Variants in ASIC2 observed in about 807,000 individuals in gnomAD.
The protein encoded by ASIC2 is acid-sensing ion channel 2.
A neutral mutation model predicts 57.3 loss-of-function variants in ASIC2; 25 were observed. The ratio of observed to expected loss-of-function variants is 0.44; its 90% CI spans 0.32 to 0.61. The LOEUF (loss-of-function observed/expected upper bound fraction) is 0.61. Ranked by LOEUF, ASIC2 falls within the 20% of genes least tolerant of loss-of-function variation. ASIC2 has a pLI of 0.06. For synonymous variants in ASIC2, 319 were observed against 307.5 expected (o/e 1.04, Z -0.39); for missense variants, 641 against 738.1 (o/e 0.87, Z 1.52).
intron 3 of ASIC2, among the ~76,000 whole-genome samples, chr17:33,076,648 G>T (rs1266088831): frequency 6.6e-6 from 1 of 152,160 alleles, no homozygotes; most frequent in East Asian, 1.9e-4. Flanking sequence ...TAGGGTGTGG[G>T]TATTTTTAAT....
chr17:33,958,136 T>A (rs1904798377), intron 1 of ASIC2, among the ~76,000 whole-genome samples: 1 of 152,242 alleles, frequency 6.6e-6, no homozygotes, highest in South Asian at 2.1e-4. Context: ...CTTGGGCAGC[T>A]CCATCACTGT....
chr17:33,584,995 C>T (rs1567660718), intron 1 of ASIC2, among the ~76,000 whole-genome samples: 1 of 152,124 alleles, frequency 6.6e-6, no homozygotes, highest in African/African-American at 2.4e-5. Flanking sequence ...GAGGTAGTTT[C>T]AGTTGGAGAA....
At chr17:34,084,203 G>C (rs1027873443) in intron 1 of ASIC2, among the ~76,000 whole-genome samples, 9 of 151,784 alleles carry the variant, frequency 5.9e-5, no homozygotes, top group Non-Finnish European at 1.2e-4. Flanking sequence ...TTTTGTATAA[G>C]GTGTAAGGAA....
chr17:33,883,018 G>A (rs530756551), intron 1 of ASIC2, among the ~76,000 whole-genome samples: 3 of 152,124 alleles, frequency 2.0e-5, no homozygotes, highest in South Asian at 2.1e-4. Flanking sequence ...GACAAAAAAT[G>A]AAACACCACA....
chr17:33,799,776 G>T (rs1912077089), intron 1 of ASIC2, among the ~76,000 whole-genome samples: 1 of 151,934 alleles, frequency 6.6e-6, no homozygotes, highest in Admixed American at 6.6e-5. Context: ...TTGTTGTATA[G>T]GTTGTGTAAC....
At chr17:33,904,163 CAAAAAAAA>C (rs769795292) in intron 1 of ASIC2, among the ~76,000 whole-genome samples, 1 of 55,856 alleles carries the variant, frequency 1.8e-5, no homozygotes, top group Non-Finnish European at 3.1e-5. Context: ...AACTCCGTCT[CAAAAAAAA>C]AAAAAAAAAA....
At chr17:33,613,150 A>G (rs1055952023) in intron 1 of ASIC2, among the ~76,000 whole-genome samples, 4 of 152,156 alleles carry the variant, frequency 2.6e-5, no homozygotes, top group Admixed American at 2.6e-4. Flanking sequence ...TAGAGATAGA[A>G]AACCAACAAA....
chr17:33,560,560 G>A (rs1206577676), intron 1 of ASIC2, among the ~76,000 whole-genome samples: 4 of 152,316 alleles, frequency 2.6e-5, no homozygotes, highest in African/African-American at 7.2e-5. Context: ...AGAGGAAAGC[G>A]AGGTGTGGGT....
chr17:33,463,696 C>G (rs1023521812), intron 1 of ASIC2, among the ~76,000 whole-genome samples: 5 of 152,218 alleles, frequency 3.3e-5, no homozygotes, highest in Admixed American at 6.5e-5. Context: ...CTCTCAGACT[C>G]CTGCCCTCCT....
At chr17:33,353,637 C>T (rs75738760) in intron 1 of ASIC2, among the ~76,000 whole-genome samples, 1 of 152,286 alleles carries the variant, frequency 6.6e-6, no homozygotes, top group East Asian at 1.9e-4. Flanking sequence ...CATGCCTAAC[C>T]TTACCTTATT....
intron 1 of ASIC2, among the ~76,000 whole-genome samples, chr17:33,854,483 CAT>C (rs1913862745): frequency 6.6e-6 from 1 of 152,206 alleles, no homozygotes; most frequent in Non-Finnish European, 1.5e-5. Context: ...TACATGTGGA[CAT>C]ATGTGATGAA....
At chr17:33,475,785 G>T (rs750569748) in intron 1 of ASIC2, among the ~76,000 whole-genome samples, 2 of 152,172 alleles carry the variant, frequency 1.3e-5, no homozygotes, top group Non-Finnish European at 2.9e-5. Flanking sequence ...AGAAGCAAAG[G>T]TGGCTGCTGC....
At chr17:33,639,474 G>A (rs1906483058) in intron 1 of ASIC2, among the ~76,000 whole-genome samples, 1 of 152,098 alleles carries the variant, frequency 6.6e-6, no homozygotes, top group Non-Finnish European at 1.5e-5. Context: ...TACACCCACT[G>A]TGGTGACTTC....
intron 1 of ASIC2, among the ~76,000 whole-genome samples, chr17:33,333,035 C>G (rs1422548656): frequency 6.6e-6 from 1 of 152,206 alleles, no homozygotes; most frequent in Non-Finnish European, 1.5e-5. Flanking sequence ...CATGTTCAAT[C>G]TACAATAATC....
chr17:33,465,458 C>T (rs905299199), intron 1 of ASIC2, among the ~76,000 whole-genome samples: 17 of 150,726 alleles, frequency 1.1e-4, no homozygotes, highest in Non-Finnish European at 5.9e-5. Context: ...CTACAACCTC[C>T]GCCTGCCGGG....
At chr17:33,789,658 T>A (rs1440372332) in intron 1 of ASIC2, among the ~76,000 whole-genome samples, 1 of 136,568 alleles carries the variant, frequency 7.3e-6, no homozygotes, top group Non-Finnish European at 1.6e-5. Context: ...ATGACTTCTC[T>A]TCTGTCATAA....
chr17:33,618,547 G>A (rs1200922685), intron 1 of ASIC2, among the ~76,000 whole-genome samples: 1 of 152,150 alleles, frequency 6.6e-6, no homozygotes, highest in Non-Finnish European at 1.5e-5. Context: ...TTGACACAGT[G>A]CCATTGTGGT....
intron 1 of ASIC2, among the ~76,000 whole-genome samples, chr17:33,998,838 C>G (rs1906242234): frequency 6.6e-6 from 1 of 152,064 alleles, no homozygotes; most frequent in Non-Finnish European, 1.5e-5. Flanking sequence ...AATATGTATT[C>G]TGCTACTGTC....
chr17:33,050,986 G>C (rs1213061441), intron 3 of ASIC2, among the ~76,000 whole-genome samples: 1 of 152,134 alleles, frequency 6.6e-6, no homozygotes, highest in Non-Finnish European at 1.5e-5. Context: ...TTGTTGGCTA[G>C]TCATGGAGTC....
Sources: gnomAD v4.1 joint callset for allele counts (sites outside exome capture counted in the v4.1 genomes callset) on GRCh38, gnomAD v4.1.1 for gene constraint, MANE v1.5 for transcripts, NCBI Gene and HGNC (gene_info 2026-07-23, HGNC 2026-07-21) for gene names.